Variants in NAV3 observed in about 807,000 individuals in gnomAD.
NAV3 encodes pore membrane and/or filament interacting like protein 1.
In NAV3, 87 loss-of-function variants were observed where a neutral mutation model predicts 244.7. The observed-to-expected ratio is 0.36, with a 90% CI of 0.30 to 0.42. The LOEUF (loss-of-function observed/expected upper bound fraction) is 0.42. Ranked by LOEUF, NAV3 falls within the 20% of genes least tolerant of loss-of-function variation. The probability of loss-of-function intolerance (pLI) is 1.00; values close to 1 mark genes in which losing one functional copy is unlikely to be tolerated. For synonymous variants in NAV3, 1,126 were observed against 1,042.2 expected (o/e 1.08, Z -1.55); for missense variants, 2,663 against 2,893.3 (o/e 0.92, Z 1.83).
rs111998156 is a variant in NAV3, at chr12:77,705,824, A to T, written c.72+133558A>T. On this transcript the variant is annotated intron_variant, in intron 2 of 8. Transcript: ENST00000550042. ...TCACTCTCTGTTATTATTAATGAAA[A>T]GTTATTATGGCTGGATTACAGGTGA... 7.9e-5 allele frequency among the ~76,000 whole-genome samples: 12 copies of T among 151,464 alleles called. 2 individuals carry two copies. The highest frequency in any genetic ancestry group is 2.9e-4 in the African/African-American group (12 of 40,868).
chr12:77,903,068 C>T (rs1206791003), intron 1 of NAV3, among the ~76,000 whole-genome samples: 3 of 152,072 alleles, frequency 2.0e-5, no homozygotes, highest in Non-Finnish European at 4.4e-5. Flanking sequence ...GCCATACTGC[C>T]CCAGGTAATT....
At chr12:78,202,322 A>G (rs1959797720) in intron 38 of NAV3, among the ~76,000 whole-genome samples, 1 of 152,080 alleles carries the variant, frequency 6.6e-6, no homozygotes, top group African/African-American at 2.4e-5. Flanking sequence ...TTTTGGTTTT[A>G]ATAAACCATT....
intron 2 of NAV3, among the ~76,000 whole-genome samples, chr12:77,643,736 T>C (rs1376719743): frequency 6.6e-6 from 1 of 152,010 alleles, no homozygotes; most frequent in Non-Finnish European, 1.5e-5. Flanking sequence ...CATGAGTTAT[T>C]AGATAAACTT....
rs779444315 is a variant in NAV3 at position 78,128,857 on chromosome 12, T to C, written c.4432T>C (p.Ser1478Pro). Residue 1478 changes from serine to proline, a missense_variant, in exon 18 of 40, where the codon TCT becomes CCT. By Grantham distance (74) the Ser-to-Pro change is moderately conservative. Transcript: ENST00000397909. The stretch of plus-strand genomic sequence containing the variant: ...TTCTGCAGCTGGAAAATACCACTTT[T>C]CTAACTTGGGTAAAATATTCTAAAA... ...SSSAAGKYHF[S>P]NLVSPTNLSQ... 1 of 1,613,082 alleles carries C rather than the reference T, an allele frequency of 6.2e-7. No homozygotes were observed.
At chr12:77,689,488 T>C (rs553761362) in intron 2 of NAV3, among the ~76,000 whole-genome samples, 2 of 151,950 alleles carry the variant, frequency 1.3e-5, no homozygotes, top group African/African-American at 4.8e-5. Context: ...CAGTGGCTTT[T>C]ATGTTGGATG....
At chr12:77,928,904 T>G (rs1888498816) in intron 1 of NAV3, among the ~76,000 whole-genome samples, 1 of 152,192 alleles carries the variant, frequency 6.6e-6, no homozygotes, top group Admixed American at 6.5e-5. Flanking sequence ...AAGGGTGCAC[T>G]TGATATCTGC....
intron 2 of NAV3, among the ~76,000 whole-genome samples, chr12:77,722,568 G>T (rs1383224319): frequency 6.6e-6 from 1 of 152,024 alleles, no homozygotes; most frequent in Admixed American, 6.6e-5. Flanking sequence ...CATGTAAATT[G>T]CAGTGATAGA....
chr12:77,785,242 A>G (rs537508753), intron 2 of NAV3, among the ~76,000 whole-genome samples: 1 of 152,048 alleles, frequency 6.6e-6, no homozygotes, highest in African/African-American at 2.4e-5. Flanking sequence ...TCAGCATTTG[A>G]AAAGACTCTC....
intron 1 of NAV3, among the ~76,000 whole-genome samples, chr12:77,893,904 A>T (rs544129378): frequency 6.6e-6 from 1 of 152,338 alleles, no homozygotes; most frequent in Admixed American, 6.5e-5. Flanking sequence ...ATCGAGTTAC[A>T]CTAACTTATT....
chr12:77,892,022 C>G (rs1883998567), intron 1 of NAV3, among the ~76,000 whole-genome samples: 1 of 152,052 alleles, frequency 6.6e-6, no homozygotes, highest in African/African-American at 2.4e-5. Flanking sequence ...AGAAATTGAC[C>G]TACACAGAAA....
intron 8 of NAV3, among the ~76,000 whole-genome samples, chr12:78,014,464 G>T (rs948300333): frequency 3.9e-5 from 6 of 152,064 alleles, no homozygotes; most frequent in Non-Finnish European, 2.9e-5. Context: ...CACTTGACTT[G>T]TAAAATTAGG....
At chr12:77,824,393 G>A (rs779357946) in intron 2 of NAV3, among the ~76,000 whole-genome samples, 2 of 151,584 alleles carry the variant, frequency 1.3e-5, no homozygotes, top group African/African-American at 2.4e-5. Flanking sequence ...GCGCCCGGCC[G>A]AGAGTAAGAT....
At chr12:77,717,865 C>T (rs1035472490) in intron 2 of NAV3, among the ~76,000 whole-genome samples, 2 of 152,094 alleles carry the variant, frequency 1.3e-5, no homozygotes, top group African/African-American at 4.8e-5. Context: ...GAATAACTTT[C>T]ATACACCTGT....
chr12:78,206,866 T>C (rs1960377821), intron 39 of NAV3, among the ~76,000 whole-genome samples: 1 of 146,620 alleles, frequency 6.8e-6, no homozygotes, highest in African/African-American at 2.5e-5. Flanking sequence ...TTTTTTTTTT[T>C]TTTTTTTTTG....
In NAV3 at chr12:77,877,443, A is replaced by C. The variant is rs554968005; in HGVS notation, c.243+45739A>C. On this transcript the variant is annotated intron_variant, in intron 1 of 39. Coordinates refer to ENST00000397909, the MANE Select transcript of NAV3 (RefSeq NM_001024383.2). ...CTGTCAGTATATTTTGAGACCTTTC[A>C]TGTCAAAAATTCATTTTATATTGCA... Among the ~76,000 whole-genome samples, 4 of 152,186 alleles carry C rather than the reference A, an allele frequency of 2.6e-5. No individual in the cohort carries two copies. The East Asian group carries it at 5.8e-4, about 22-fold the overall frequency.
intron 1 of NAV3, among the ~76,000 whole-genome samples, chr12:77,899,657 T>C (rs1441160488): frequency 1.3e-5 from 2 of 152,234 alleles, no homozygotes; most frequent in African/African-American, 4.8e-5. Context: ...CTATTTGGTT[T>C]AATGTAGTGT....
intron 2 of NAV3, among the ~76,000 whole-genome samples, chr12:77,600,830 G>A (rs1440613576): frequency 6.6e-6 from 1 of 151,944 alleles, no homozygotes; most frequent in Non-Finnish European, 1.5e-5. Context: ...CTGGCTCCTA[G>A]TATCTTTTCA....
intron 32 of NAV3, 73 bp downstream of exon 32, chr12:78,188,416 A>T: frequency 7.6e-7 from 1 of 1,316,546 alleles, no homozygotes; most frequent in Non-Finnish European, 1.1e-6. Context: ...TAACTTCAAT[A>T]GCAGAGACAC....
chr12:77,743,626 A>G (rs1036687552), intron 2 of NAV3, among the ~76,000 whole-genome samples: 5 of 151,914 alleles, frequency 3.3e-5, no homozygotes, highest in Non-Finnish European at 7.4e-5. Context: ...TCATAAATAA[A>G]AAAGGAATAA....
Sources: gnomAD v4.1 joint callset for allele counts (sites outside exome capture counted in the v4.1 genomes callset) on GRCh38, gnomAD v4.1.1 for gene constraint, MANE v1.5 for transcripts, NCBI Gene and HGNC (gene_info 2026-07-23, HGNC 2026-07-21) for gene names.